The following DUSP7 variants were observed in gnomAD, a reference collection of about 807,000 sequenced individuals.
DUSP7 encodes dual specificity phosphatase 7.
DUSP7 carries 7 observed loss-of-function variants against 29.8 expected under a neutral mutation model. That is an observed-to-expected ratio of 0.24 (90% CI 0.13 to 0.44). The LOEUF is 0.44. Among genes scored for constraint, DUSP7 ranks in the 20% least tolerant of loss-of-function variants. The pLI is 1.00. For missense variants in DUSP7, 400 were observed against 583.7 expected (o/e 0.69, Z 3.24); for synonymous variants, 287 against 275.4 (o/e 1.04, Z -0.42).
In DUSP7 at chr3:52,051,103, C is replaced by T. The variant is rs776930498; in HGVS notation, c.972G>A (p.Lys324=). The change falls in exon 3 of 3, where the codon AAG becomes AAA. Residue 324 remains lysine, a synonymous_variant. Transcript: ENST00000495880. The surrounding 1 kb of genome is among the most constrained non-coding windows in gnomAD (Gnocchi z 4.8). The stretch of plus-strand genomic sequence containing the variant: ...CCAGGCAGTGCACCAGGACACCACA[C>T]TTCTTGGAGCGGGCTTCGTCTGAAA... ...ISFIDEARSK[K]CGVLVHCLAG... is the part of the protein sequence containing the mutation. 3 of 1,609,818 alleles carry T rather than the reference C, an allele frequency of 1.9e-6. No individual in the cohort carries two copies. Among genetic ancestry groups the T allele is most frequent in the South Asian group, 2.2e-5 (2 of 91,068 alleles).
Position 52,054,503 on chromosome 3 carries a change from C to T in DUSP7, c.518-129G>A. On this transcript the variant is annotated intron_variant, in intron 1 of 2. Coordinates refer to ENST00000495880, the MANE Select transcript of DUSP7 (RefSeq NM_001947.4). This position sits in a 1 kb window ranked among gnomAD's most constrained non-coding sequence, Gnocchi z 4.1. ...CACCCACGGTCAGCATGGGCCATGCCAAGCATGTTACACGTGTGCCCTCTC... is the reference window on the plus strand; with the variant it reads ...CACCCACGGTCAGCATGGGCCATGCTAAGCATGTTACACGTGTGCCCTCTC... 1 of 714,582 alleles carries T rather than the reference C, an allele frequency of 1.4e-6. No individual in the cohort carries two copies. Among genetic ancestry groups the T allele is most frequent in the Non-Finnish European group, 2.2e-6 (1 of 445,548 alleles). 44.3% of individuals were successfully genotyped at this position (714,582 alleles called of 1,614,324 possible).
At position 52,054,880 on chromosome 3, in the gene DUSP7, A is replaced by G. The variant is rs1375051721; in HGVS notation, c.518-506T>C. Among the ~76,000 whole-genome samples the G allele has an allele frequency of 6.6e-6, 1 of 152,220 alleles. No homozygotes were observed. Among genetic ancestry groups the G allele is most frequent in the Non-Finnish European group, 1.5e-5 (1 of 68,034 alleles). ...GGCAGAGAGGTCCTGGGCTTCCTGAACGGGAGTCTAGTGGTTGCCCAGCCC... is the reference window on the plus strand; with the variant it reads ...GGCAGAGAGGTCCTGGGCTTCCTGAGCGGGAGTCTAGTGGTTGCCCAGCCC... On this transcript the variant is annotated intron_variant, in intron 1 of 2. Coordinates refer to ENST00000495880, the MANE Select transcript of DUSP7 (RefSeq NM_001947.4). This position sits in a 1 kb window ranked among gnomAD's most constrained non-coding sequence, Gnocchi z 4.1.
At position 52,054,387 on chromosome 3, in the gene DUSP7, T is replaced by A; in HGVS notation, c.518-13A>T. On this transcript the variant is annotated splice_polypyrimidine_tract_variant and intron_variant, in intron 1 of 2. Transcript: ENST00000495880. The surrounding 1 kb of genome is among the most constrained non-coding windows in gnomAD (Gnocchi z 4.1). Reference sequence around the variant, plus strand: ...TTGTTGAAACCACCTGTGTCCAGGGTGAGACAGGGCCTGGGTGAGAGGCTG... The same window carrying A: ...TTGTTGAAACCACCTGTGTCCAGGGAGAGACAGGGCCTGGGTGAGAGGCTG... 1 of 1,520,904 alleles carries A rather than the reference T, an allele frequency of 6.6e-7. No homozygotes were observed. The highest frequency in any genetic ancestry group is 1.3e-5 in the South Asian group (1 of 75,806). 94.2% of individuals were successfully genotyped at this position (1,520,904 alleles called of 1,614,324 possible).
Position 52,054,485 on chromosome 3 carries a change from G to T in DUSP7, c.518-111C>A. On this transcript the variant is annotated intron_variant, in intron 1 of 2. Transcript: ENST00000495880. This position sits in a 1 kb window ranked among gnomAD's most constrained non-coding sequence, Gnocchi z 4.1. Reference sequence around the variant, plus strand: ...GCACGCCAAACACCACAGCACCCACGGTCAGCATGGGCCATGCCAAGCATG... The same window carrying T: ...GCACGCCAAACACCACAGCACCCACTGTCAGCATGGGCCATGCCAAGCATG... 1.2e-6 allele frequency: 1 copy of T among 837,660 alleles called. No individual in the cohort carries two copies. Among genetic ancestry groups the T allele is most frequent in the Non-Finnish European group, 1.8e-6 (1 of 549,796 alleles). The allele number at this position is 837,660 out of a possible 1,614,324, so 51.9% of individuals were successfully genotyped here. A position where few individuals can be genotyped will look rare whatever the true frequency, so the allele number is the denominator to read the frequency against.
Position 52,056,243 on chromosome 3 carries a change from C to G in DUSP7, c.124G>C (p.Gly42Arg). Residue 42 changes from glycine to arginine, a missense_variant, in exon 1 of 3, where the codon GGG becomes CGG. Transcript: ENST00000495880. The surrounding 1 kb of genome is among the most constrained non-coding windows in gnomAD (Gnocchi z 6.4). ...CCTGCCCCCGTCGCCGCGCCCGCCC[C>G]GGTGCCTGCGCCGGACCCCGACCCC... ...GAGSGSGAGTGAGAATGAGAM... is the reference protein window; with the variant it reads ...GAGSGSGAGTRAGAATGAGAM... 7.2e-7 allele frequency: 1 copy of G among 1,391,882 alleles called. No homozygotes were observed. The highest frequency in any genetic ancestry group is 9.3e-7 in the Non-Finnish European group (1 of 1,078,630). The allele number at this position is 1,391,882 out of a possible 1,614,324, so 86.2% of individuals were successfully genotyped here.
Position 52,053,227 on chromosome 3 carries a change from T to G in DUSP7, c.952+713A>C, listed in dbSNP as rs1232523351. ...ACCCTGGGCCAGGGGAGATGACCTGTGGTCTCAGCCTCCAGCTGGCCAAGG... is the reference window on the plus strand; with the variant it reads ...ACCCTGGGCCAGGGGAGATGACCTGGGGTCTCAGCCTCCAGCTGGCCAAGG... On this transcript the variant is annotated intron_variant, in intron 2 of 2. Coordinates refer to ENST00000495880, the MANE Select transcript of DUSP7 (RefSeq NM_001947.4). The surrounding 1 kb of genome is among the most constrained non-coding windows in gnomAD (Gnocchi z 4.6). The G allele has an allele frequency of 6.5e-6, 1 of 153,512 alleles. No individual in the cohort carries two copies. The highest frequency in any genetic ancestry group is 1.9e-4 in the East Asian group (1 of 5,208). 9.5% of individuals were successfully genotyped at this position (153,512 alleles called of 1,614,324 possible). A position where few individuals can be genotyped will look rare whatever the true frequency, so the allele number is the denominator to read the frequency against.
Position 52,050,767 on chromosome 3 carries a change from T to C in DUSP7, c.*48A>G. 1 of 1,568,116 alleles carries C rather than the reference T, an allele frequency of 6.4e-7. No individual in the cohort carries two copies. Among genetic ancestry groups the C allele is most frequent in the South Asian group, 1.2e-5 (1 of 84,614 alleles). ...GCTTGGGCTCTCCCACCTAGCCCTG[T>C]GGAGAGCCGAGCAGGGGCCTGGTGC... On this transcript the variant is annotated 3_prime_UTR_variant, in exon 3 of 3. Coordinates refer to ENST00000495880, the MANE Select transcript of DUSP7 (RefSeq NM_001947.4). The surrounding 1 kb of genome is among the most constrained non-coding windows in gnomAD (Gnocchi z 5.0).
rs749304639 is a variant in DUSP7, at chr3:52,056,057, G to A, written c.310C>T (p.Leu104=). ...CGGATGGGCAGGTTGCCCTTGCGCAGGCGGCGCAACATGAGGCCCGGGATG... is the reference window on the plus strand; with the variant it reads ...CGGATGGGCAGGTTGCCCTTGCGCAAGCGGCGCAACATGAGGCCCGGGATG... ...LAIPGLMLRR[L]RKGNLPIRSI... Residue 104 remains leucine, a synonymous_variant, in exon 1 of 3, where the codon CTG becomes TTG. Coordinates refer to ENST00000495880, the MANE Select transcript of DUSP7 (RefSeq NM_001947.4). This position sits in a 1 kb window ranked among gnomAD's most constrained non-coding sequence, Gnocchi z 6.4. 132 of 1,602,964 alleles carry A rather than the reference G, an allele frequency of 8.2e-5. No homozygotes were observed. Among genetic ancestry groups the A allele is most frequent in the Non-Finnish European group, 1.1e-4 (129 of 1,175,540 alleles).
In DUSP7 at chr3:52,049,736, AAGAAAGAGAGAGAGAGGGAGAGAG is replaced by A. The variant is rs1214901320; in HGVS notation, c.*1055_*1078del. On this transcript the variant is annotated 3_prime_UTR_variant, in exon 3 of 3. Coordinates refer to ENST00000495880, the MANE Select transcript of DUSP7 (RefSeq NM_001947.4). ...AGAGAGAGGGAGGGGGGGAGAGAGA[AAGAAAGAGAGAGAGAGGGAGAGAG>A]AGAAAGAGAGAGAGGGAGAGGAAGA... 2.6e-5 allele frequency: 4 copies of A among 151,830 alleles called. No individual in the cohort carries two copies. The highest frequency in any genetic ancestry group is 4.2e-4 in the South Asian group (2 of 4,798). 9.4% of individuals were successfully genotyped at this position (151,830 alleles called of 1,614,324 possible).
chr3:52,055,611 G>A (rs766321068), intron 1 of DUSP7, among the ~76,000 whole-genome samples: 7 of 152,220 alleles, frequency 4.6e-5, no homozygotes, highest in Non-Finnish European at 8.8e-5. Context: ...GAAACCCCAG[G>A]CAGGGGAAAG....
In DUSP7 at chr3:52,053,298, A is replaced by C. The variant is rs1701863778; in HGVS notation, c.952+642T>G. 6.5e-6 allele frequency: 1 copy of C among 154,714 alleles called. No individual in the cohort carries two copies. The highest frequency in any genetic ancestry group is 1.4e-5 in the Non-Finnish European group (1 of 69,606). 9.6% of individuals were successfully genotyped at this position (154,714 alleles called of 1,614,324 possible). On this transcript the variant is annotated intron_variant, in intron 2 of 2. Coordinates refer to ENST00000495880, the MANE Select transcript of DUSP7 (RefSeq NM_001947.4). The surrounding 1 kb of genome is among the most constrained non-coding windows in gnomAD (Gnocchi z 4.6). The stretch of plus-strand genomic sequence containing the variant: ...GTCTGCTGAGGCTGGGGATACAGGG[A>C]CTCGAAGGGCACTAAGCCAGACAGC...
rs996053094 is a variant in DUSP7, at chr3:52,053,176, C to T, written c.952+764G>A. The stretch of plus-strand genomic sequence containing the variant: ...TCAGAGATAGAGCGTTTACATTCAT[C>T]CTGAGCCCTCGTGCCCCTTCCTTGC... On this transcript the variant is annotated intron_variant, in intron 2 of 2. Coordinates refer to ENST00000495880, the MANE Select transcript of DUSP7 (RefSeq NM_001947.4). This position sits in a 1 kb window ranked among gnomAD's most constrained non-coding sequence, Gnocchi z 4.6. 2 of 152,542 alleles carry T rather than the reference C, an allele frequency of 1.3e-5. No homozygotes were observed. Among genetic ancestry groups the T allele is most frequent in the African/African-American group, 4.8e-5 (2 of 41,458 alleles). The allele number at this position is 152,542 out of a possible 1,614,324, so 9.4% of individuals were successfully genotyped here. A position where few individuals can be genotyped will look rare whatever the true frequency, so the allele number is the denominator to read the frequency against.
rs988081339 is a variant in DUSP7 at position 52,048,964 on chromosome 3, G to A, written c.*1851C>T. The A allele has an allele frequency of 2.6e-5, 4 of 152,056 alleles. No homozygotes were observed. Among genetic ancestry groups the A allele is most frequent in the Non-Finnish European group, 4.4e-5 (3 of 68,028 alleles). 9.4% of individuals were successfully genotyped at this position (152,056 alleles called of 1,614,324 possible). A position where few individuals can be genotyped will look rare whatever the true frequency, so the allele number is the denominator to read the frequency against. ...TTATTTGCAATATAAACAAAGTCCC[G>A]TTGTTGGTTCGGGATATATATATAT... On this transcript the variant is annotated 3_prime_UTR_variant, in exon 3 of 3. Transcript: ENST00000495880.
At chr3:52,055,786 A>AG (rs1701894737) in intron 1 of DUSP7, 64 bp downstream of exon 1, 16 of 1,458,118 alleles carry the variant, frequency 1.1e-5, no homozygotes, top group South Asian at 8.6e-5. Flanking sequence ...AGCGCCTCCA[A>AG]GGGGGGCGTC....
chr3:52,050,525 G>C lies in DUSP7; in HGVS notation c.*290C>G. The C allele has an allele frequency of 3.0e-6, 1 of 329,686 alleles. No individual in the cohort carries two copies. The highest frequency in any genetic ancestry group is 5.5e-6 in the Non-Finnish European group (1 of 180,686). 20.4% of individuals were successfully genotyped at this position (329,686 alleles called of 1,614,324 possible). On this transcript the variant is annotated 3_prime_UTR_variant, in exon 3 of 3. Transcript: ENST00000495880. This position sits in a 1 kb window ranked among gnomAD's most constrained non-coding sequence, Gnocchi z 5.0. Reference sequence around the variant, plus strand: ...CTTTAAAAAACAGCCAAACTGGCTGGGCTGTCAGCAGAAAGGAGCGTCCTG... The same window carrying C: ...CTTTAAAAAACAGCCAAACTGGCTGCGCTGTCAGCAGAAAGGAGCGTCCTG...
chr3:52,056,000 G>A lies in DUSP7; in HGVS notation c.367C>T (p.Arg123Cys). ...SIIPNHADKERFATRCKAATV... is the reference protein window; with the variant it reads ...SIIPNHADKECFATRCKAATV... ...GCCGCCTTGCAGCGCGTGGCGAAGC[G>A]CTCCTTGTCGGCGTGGTTGGGGATG... Residue 123 changes from arginine to cysteine, a missense_variant, in exon 1 of 3, where the codon CGC becomes TGC. Transcript: ENST00000495880. 1 of 1,585,222 alleles carries A rather than the reference G, an allele frequency of 6.3e-7. No homozygotes were observed. Among genetic ancestry groups the A allele is most frequent in the Non-Finnish European group, 8.6e-7 (1 of 1,166,206 alleles).
In DUSP7 at chr3:52,054,051, G is replaced by A; in HGVS notation, c.841C>T (p.Leu281=). The A allele has an allele frequency of 6.2e-7, 1 of 1,614,238 alleles. No homozygotes were observed. Among genetic ancestry groups the A allele is most frequent in the Non-Finnish European group, 8.5e-7 (1 of 1,180,038 alleles). ...CCGCCGTGCTCGAAGGCGTTGGGTA[G>A]GTTGGGTGTGACATTGAGGATATAC... The part of the protein sequence containing the change: ...IKYILNVTPN[L]PNAFEHGGEF... Residue 281 remains leucine, a synonymous_variant, in exon 2 of 3, where the codon CTA becomes TTA. Coordinates refer to ENST00000495880, the MANE Select transcript of DUSP7 (RefSeq NM_001947.4). The surrounding 1 kb of genome is among the most constrained non-coding windows in gnomAD (Gnocchi z 4.1).
chr3:52,050,599 G>A lies in DUSP7; in HGVS notation c.*216C>T, dbSNP rs746228314. 4 of 578,396 alleles carry A rather than the reference G, an allele frequency of 6.9e-6. No individual in the cohort carries two copies. Among genetic ancestry groups the A allele is most frequent in the Non-Finnish European group, 1.2e-5 (4 of 336,976 alleles). 35.8% of individuals were successfully genotyped at this position (578,396 alleles called of 1,614,324 possible). A position where few individuals can be genotyped will look rare whatever the true frequency, so the allele number is the denominator to read the frequency against. ...GCCCAAAGCCACGTGTCCAAGAGCC[G>A]AGGCCTCTCCAGCAAGCCCTGCAGT... On this transcript the variant is annotated 3_prime_UTR_variant, in exon 3 of 3. Coordinates refer to ENST00000495880, the MANE Select transcript of DUSP7 (RefSeq NM_001947.4). The surrounding 1 kb of genome is among the most constrained non-coding windows in gnomAD (Gnocchi z 5.0).
At position 52,054,504 on chromosome 3, in the gene DUSP7, A is replaced by G; in HGVS notation, c.518-130T>C. The stretch of plus-strand genomic sequence containing the variant: ...ACCCACGGTCAGCATGGGCCATGCC[A>G]AGCATGTTACACGTGTGCCCTCTCT... On this transcript the variant is annotated intron_variant, in intron 1 of 2. Transcript: ENST00000495880. The surrounding 1 kb of genome is among the most constrained non-coding windows in gnomAD (Gnocchi z 4.1). 2 of 714,438 alleles carry G rather than the reference A, an allele frequency of 2.8e-6. No individual in the cohort carries two copies. Among genetic ancestry groups the G allele is most frequent in the Non-Finnish European group, 2.2e-6 (1 of 445,464 alleles). 44.3% of individuals were successfully genotyped at this position (714,438 alleles called of 1,614,324 possible).
Sources: gnomAD v4.1 joint callset for allele counts (sites outside exome capture counted in the v4.1 genomes callset) on GRCh38, gnomAD v4.1.1 for gene constraint, Gnocchi (gnomAD v3.1) non-coding constraint, MANE v1.5 for transcripts, NCBI Gene and HGNC (gene_info 2026-07-23, HGNC 2026-07-21) for gene names.